The following SMARCA5 variants were observed in gnomAD, a reference collection of about 807,000 sequenced individuals.
The protein encoded by SMARCA5 is SWI/SNF-related matrix-associated actin-dependent regulator of chromatin subfamily A member 5.
A neutral mutation model predicts 140.4 loss-of-function variants in SMARCA5; 18 were observed. The observed-to-expected ratio is 0.13, with a 90% confidence interval of 0.09 to 0.19. The LOEUF is 0.19. SMARCA5 is among the 10% of genes least tolerant of loss of function. The probability of loss-of-function intolerance (pLI) is 1.00; values close to 1 mark genes in which losing one functional copy is unlikely to be tolerated. For synonymous variants in SMARCA5, 449 were observed against 419.6 expected (o/e 1.07, Z -0.86); for missense variants, 606 against 1,276.8 (o/e 0.47, Z 8.01).
At chr4:143,543,999 A>C (rs1737477562) in intron 16 of SMARCA5, 27 bp downstream of exon 16, 9 of 1,475,028 alleles carry the variant, frequency 6.1e-6, no homozygotes, top group Non-Finnish European at 8.1e-6. Context: ...TTTGGGTTAC[A>C]TGAAAGCTTT....
rs72938217 is a variant in SMARCA5 at position 143,515,755 on chromosome 4, G to A, written c.178-1600G>A. On this transcript the variant is annotated intron_variant, in intron 1 of 23. Transcript: ENST00000283131. Reference sequence around the variant, plus strand: ...TTTTCATTTGCCAGATGGGGAAATTGAGTTCTACTAGGTAGAACCTGTAAT... The same window carrying A: ...TTTTCATTTGCCAGATGGGGAAATTAAGTTCTACTAGGTAGAACCTGTAAT... Among the ~76,000 whole-genome samples, 730 of 152,154 alleles carry A rather than the reference G, an allele frequency of 4.8e-3. 7 individuals are homozygous for A. Among genetic ancestry groups the A allele is most frequent in the African/African-American group, 0.017 (701 of 41,504 alleles).
intron 14 of SMARCA5, 149 bp downstream of exon 14, chr4:143,540,644 C>T: frequency 2.8e-6 from 2 of 705,514 alleles, no homozygotes; most frequent in Non-Finnish European, 4.7e-6. Flanking sequence ...ATACAGTAAA[C>T]TTTAGTTTTG....
chr4:143,515,569 T>C (rs1022064853), intron 1 of SMARCA5, among the ~76,000 whole-genome samples: 3 of 152,194 alleles, frequency 2.0e-5, no homozygotes, highest in Non-Finnish European at 4.4e-5. Flanking sequence ...TTTGGAAAAA[T>C]GAATGTTTCA....
At chr4:143,542,626 A>G (rs1028118953) in intron 14 of SMARCA5, among the ~76,000 whole-genome samples, 2 of 152,198 alleles carry the variant, frequency 1.3e-5, no homozygotes, top group African/African-American at 4.8e-5. Context: ...CTTACTTACA[A>G]GTTGGTTGGC....
intron 9 of SMARCA5, among the ~76,000 whole-genome samples, chr4:143,531,699 G>A (rs960735142): frequency 1.3e-5 from 2 of 152,122 alleles, no homozygotes; most frequent in Admixed American, 1.3e-4. Context: ...ACATTCTTTG[G>A]CATCTGTTTT....
intron 3 of SMARCA5, among the ~76,000 whole-genome samples, chr4:143,523,289 A>G (rs1322725587): frequency 6.6e-6 from 1 of 151,312 alleles, no homozygotes; most frequent in Non-Finnish European, 1.5e-5. Context: ...TGCCTCCTAA[A>G]GTGTTGGGAT....
chr4:143,543,499 C>G lies in SMARCA5; in HGVS notation c.1904-10C>G. ...TTCAGTTAACATTATACAACACAATCTTTTTTCAGGGAGGCTTGTGGATCA... is the reference window on the plus strand; with the variant it reads ...TTCAGTTAACATTATACAACACAATGTTTTTTCAGGGAGGCTTGTGGATCA... On this transcript the variant is annotated splice_polypyrimidine_tract_variant and intron_variant, in intron 14 of 23. Transcript: ENST00000283131. 1 of 1,611,048 alleles carries G rather than the reference C, an allele frequency of 6.2e-7. No individual in the cohort carries two copies. The highest frequency in any genetic ancestry group is 8.5e-7 in the Non-Finnish European group (1 of 1,178,582).
In SMARCA5 at chr4:143,545,914, A is replaced by T. The variant is rs1163258818; in HGVS notation, c.2398-11A>T. On this transcript the variant is annotated splice_polypyrimidine_tract_variant and intron_variant, in intron 18 of 23. Coordinates refer to ENST00000283131, the MANE Select transcript of SMARCA5 (RefSeq NM_003601.4). ...TTTACTGATTTGATGGCATAGAAAA[A>T]TATCTTTTAGGTACCTCGAAATCCT... 1.9e-6 allele frequency: 3 copies of T among 1,594,374 alleles called. No individual in the cohort carries two copies. Among genetic ancestry groups the T allele is most frequent in the African/African-American group, 1.4e-5 (1 of 73,506 alleles).
At chr4:143,520,289 A>G (rs1183194814) in intron 2 of SMARCA5, among the ~76,000 whole-genome samples, 1 of 152,214 alleles carries the variant, frequency 6.6e-6, no homozygotes, top group African/African-American at 2.4e-5. Flanking sequence ...TCACATATGT[A>G]TCTTGTTCAG....
chr4:143,526,309 C>T lies in SMARCA5; in HGVS notation c.650C>T (p.Ser217Phe). 6.2e-7 allele frequency: 1 copy of T among 1,613,900 alleles called. No homozygotes were observed. The highest frequency in any genetic ancestry group is 8.5e-7 in the Non-Finnish European group (1 of 1,179,896). The change falls in exon 6 of 24, where the codon TCT (serine) becomes TTT (phenylalanine). Residue 217 changes from serine (S) to phenylalanine (F), a missense_variant. Ser to Phe is a radical substitution (Grantham distance 155). Coordinates refer to ENST00000283131, the MANE Select transcript of SMARCA5 (RefSeq NM_003601.4). ...CTAGGAAAGACTCTTCAAACAATTT[C>T]TCTTCTTGGGTACATGAAACATTAT... ...MGLGKTLQTISLLGYMKHYRN... is the reference protein window; with the variant it reads ...MGLGKTLQTIFLLGYMKHYRN...
At chr4:143,551,010 ATTTG>A (rs1737630366) in intron 23 of SMARCA5, among the ~76,000 whole-genome samples, 1 of 152,072 alleles carries the variant, frequency 6.6e-6, no homozygotes, top group East Asian at 1.9e-4. Context: ...GATTGTACTA[ATTTG>A]CGTTCCCACC....
chr4:143,515,875 T>G (rs1736818797), intron 1 of SMARCA5, among the ~76,000 whole-genome samples: 1 of 152,172 alleles, frequency 6.6e-6, no homozygotes, highest in African/African-American at 2.4e-5. Flanking sequence ...GTTCAATTTA[T>G]TGAATAACAT....
chr4:143,524,021 CT>C (rs1737019045), intron 3 of SMARCA5, among the ~76,000 whole-genome samples: 3 of 151,844 alleles, frequency 2.0e-5, no homozygotes, highest in Admixed American at 1.3e-4. Context: ...GTTTCTGGAA[CT>C]TTTTTTTCCT....
chr4:143,536,819 G>C, intron 11 of SMARCA5, 141 bp downstream of exon 11: 1 of 645,254 alleles, frequency 1.5e-6, no homozygotes, highest in South Asian at 1.9e-5. Flanking sequence ...TTCATTATCT[G>C]AGCTCTAACC....
chr4:143,534,778 A>G, intron 9 of SMARCA5, 77 bp from the exon 10 acceptor site: 2 of 1,031,374 alleles, frequency 1.9e-6, no homozygotes, highest in Non-Finnish European at 1.4e-6. Flanking sequence ...CATGTATTTT[A>G]TATACAATTC....
In SMARCA5 at chr4:143,553,908, T is replaced by G. The variant is rs1345247555; in HGVS notation, c.*724T>G. On this transcript the variant is annotated 3_prime_UTR_variant, in exon 24 of 24. Transcript: ENST00000283131. Reference sequence around the variant, plus strand: ...ATTATTATTATTATTTTTAATTATTTGGTAAATATTTTGTCATATGACCTT... The same window carrying G: ...ATTATTATTATTATTTTTAATTATTGGGTAAATATTTTGTCATATGACCTT... 6.6e-6 allele frequency: 1 copy of G among 151,796 alleles called. No homozygotes were observed. Among genetic ancestry groups the G allele is most frequent in the East Asian group, 1.9e-4 (1 of 5,196 alleles). 9.4% of individuals were successfully genotyped at this position (151,796 alleles called of 1,614,324 possible). A position where few individuals can be genotyped will look rare whatever the true frequency, so the allele number is the denominator to read the frequency against.
intron 2 of SMARCA5, among the ~76,000 whole-genome samples, chr4:143,518,485 C>G (rs995541015): frequency 1.3e-5 from 2 of 152,122 alleles, no homozygotes; most frequent in Non-Finnish European, 2.9e-5. Flanking sequence ...TTCTTTCTGT[C>G]TTCAGTACCC....
In SMARCA5 at chr4:143,513,968, G is replaced by A. The variant is rs568763709; in HGVS notation, c.44G>A (p.Ser15Asn). 5.1e-6 allele frequency: 8 copies of A among 1,556,402 alleles called. No individual in the cohort carries two copies. In the African/African-American group the frequency reaches 8.1e-5, roughly 16 times the overall value. The change falls in exon 1 of 24, where the codon AGC becomes AAC. Residue 15 changes from serine (S) to asparagine (N), a missense_variant. By Grantham distance (46) the Ser-to-Asn change is conservative. Coordinates refer to ENST00000283131, the MANE Select transcript of SMARCA5 (RefSeq NM_003601.4). ...AEPPPPPPPE[S>N]APSKPAASIA... Reference sequence around the variant, plus strand: ...CCTCCGCCACCCCCGCCTCCCGAGAGCGCGCCTTCCAAGCCCGCAGCCTCG... The same window carrying A: ...CCTCCGCCACCCCCGCCTCCCGAGAACGCGCCTTCCAAGCCCGCAGCCTCG...
At chr4:143,515,907 A>G (rs78501222) in intron 1 of SMARCA5, among the ~76,000 whole-genome samples, 1,940 of 152,124 alleles carry the variant, frequency 0.013, 50 homozygotes, top group African/African-American at 0.044. Context: ...CCTTCCTAGT[A>G]TAGAAATATT....
Sources: allele counts gnomAD v4.1 joint callset (sites outside exome capture counted in the v4.1 genomes callset), GRCh38; gene constraint gnomAD v4.1.1; transcripts MANE v1.5; gene names NCBI Gene and HGNC (gene_info 2026-07-23, HGNC 2026-07-21).